The following AXDND1 variants were observed in gnomAD, a reference collection of about 807,000 sequenced individuals.
AXDND1 encodes the protein axonemal dynein light chain domain containing 1.
Under a neutral mutation model 137.5 loss-of-function variants are expected in AXDND1, and 110 were observed. The observed-to-expected ratio is 0.80, with a 90% CI of 0.69 to 0.94. The LOEUF (loss-of-function observed/expected upper bound fraction) is 0.94. AXDND1 is among the 40% of genes least tolerant of loss of function. The probability of loss-of-function intolerance (pLI) is 0.00; values close to 1 mark genes in which losing one functional copy is unlikely to be tolerated. For synonymous variants in AXDND1, 414 were observed against 399.7 expected (o/e 1.04, Z -0.43); for missense variants, 1,191 against 1,169.8 (o/e 1.02, Z -0.26).
At chr1:179,386,050 CTTTTTTTTTTTTTT>C (rs71111980) in intron 9 of AXDND1, among the ~76,000 whole-genome samples, 1 of 102,426 alleles carries the variant, frequency 9.8e-6, no homozygotes, top group African/African-American at 3.9e-5. Flanking sequence ...GGATTTTTTC[CTTTTTTTTTTTTTT>C]TTTTTTTGAG....
Position 179,492,942 on chromosome 1 carries a change from T to C in AXDND1, c.2379T>C (p.Asp793=), listed in dbSNP as rs755999187. The change falls in exon 20 of 26, where the codon GAT becomes GAC. Residue 793 remains aspartate (D), a synonymous_variant. Coordinates refer to ENST00000367618, the MANE Select transcript of AXDND1 (RefSeq NM_144696.6). Reference sequence around the variant, plus strand: ...CTACTGAAGACCTTTATGAGGTGGATAAGTTGAAGGTAATAACTCTGTCTT... The same window carrying C: ...CTACTGAAGACCTTTATGAGGTGGACAAGTTGAAGGTAATAACTCTGTCTT... ...KNATEDLYEV[D]KLKKECYEWI... The C allele has an allele frequency of 1.1e-5, 17 of 1,599,984 alleles. No homozygotes were observed. Among genetic ancestry groups the C allele is most frequent in the Admixed American group, 3.4e-5 (2 of 58,010 alleles).
At chr1:179,431,104 C>T (rs1221497510) in intron 14 of AXDND1, among the ~76,000 whole-genome samples, 2 of 152,056 alleles carry the variant, frequency 1.3e-5, no homozygotes, top group Non-Finnish European at 2.9e-5. Context: ...GGAATCTATG[C>T]TTTGGATGCA....
At position 179,432,276 on chromosome 1, in the gene AXDND1, C is replaced by A; in HGVS notation, c.1497C>A (p.Asp499Glu). The change falls in exon 15 of 26, where the codon GAC becomes GAA. Residue 499 changes from aspartate to glutamate, a missense_variant. Physicochemically the swap from Asp to Glu is conservative, Grantham distance 45. Coordinates refer to ENST00000367618, the MANE Select transcript of AXDND1 (RefSeq NM_144696.6). Reference sequence around the variant, plus strand: ...TTTTTCTTCTTTTCAGTGAAAAAGACATTTTATCCCCTAATAAGGGAAATA... The same window carrying A: ...TTTTTCTTCTTTTCAGTGAAAAAGAAATTTTATCCCCTAATAAGGGAAATA... ...IKWQEFFNEK[D>E]ILSPNKGNIF... 6.5e-7 allele frequency: 1 copy of A among 1,546,778 alleles called. No homozygotes were observed. The highest frequency in any genetic ancestry group is 1.9e-5 in the Admixed American group (1 of 52,018).
chr1:179,456,999 T>C, intron 16 of AXDND1: 1 of 1,569,130 alleles, frequency 6.4e-7, no homozygotes, highest in South Asian at 1.1e-5. Flanking sequence ...GTGTCTTCTT[T>C]AATGCCACCA....
At chr1:179,514,971 A>G (rs906086538) in intron 21 of AXDND1, among the ~76,000 whole-genome samples, 4 of 152,108 alleles carry the variant, frequency 2.6e-5, no homozygotes, top group African/African-American at 9.7e-5. Context: ...TTAGGTGAGT[A>G]TCCTGAAGGG....
At chr1:179,550,013 G>C (rs1023032379) in intron 25 of AXDND1, among the ~76,000 whole-genome samples, 8 of 152,048 alleles carry the variant, frequency 5.3e-5, no homozygotes, top group Non-Finnish European at 8.8e-5. Context: ...GGTAGATTTT[G>C]TTACCTGCCT....
intron 16 of AXDND1, chr1:179,453,250 C>G (rs902446894): frequency 4.6e-5 from 7 of 152,254 alleles, no homozygotes; most frequent in Non-Finnish European, 5.9e-5. Flanking sequence ...AGAGTCTCTA[C>G]TGGGGCACAG....
At chr1:179,535,690 A>G (rs1003369722) in intron 25 of AXDND1, among the ~76,000 whole-genome samples, 38 of 151,936 alleles carry the variant, frequency 2.5e-4, no homozygotes, top group Admixed American at 8.5e-4. Flanking sequence ...ACATACGTGT[A>G]CATGTGTCTT....
At chr1:179,472,484 A>G (rs1012935535) in intron 17 of AXDND1, among the ~76,000 whole-genome samples, 2 of 152,170 alleles carry the variant, frequency 1.3e-5, no homozygotes, top group Non-Finnish European at 2.9e-5. Flanking sequence ...TTTATTGGAG[A>G]AAGTGTTCTA....
chr1:179,501,679 C>T (rs999192179), intron 20 of AXDND1, among the ~76,000 whole-genome samples: 5 of 152,058 alleles, frequency 3.3e-5, no homozygotes, highest in Non-Finnish European at 5.9e-5. Context: ...CACTGCATTC[C>T]AGCCTGGGCG....
intron 25 of AXDND1, among the ~76,000 whole-genome samples, chr1:179,542,732 C>T (rs1053356807): frequency 7.2e-5 from 11 of 152,140 alleles, no homozygotes; most frequent in African/African-American, 2.7e-4. Flanking sequence ...CTTGAGGATT[C>T]GGTTAAATCC....
intron 17 of AXDND1, among the ~76,000 whole-genome samples, chr1:179,479,475 CAAA>C (rs55719902): frequency 7.1e-4 from 95 of 133,618 alleles, no homozygotes; most frequent in Non-Finnish European, 1.3e-3. Flanking sequence ...AACTCTGTCT[CAAA>C]AAAAAAAAAA....
intron 9 of AXDND1, among the ~76,000 whole-genome samples, chr1:179,387,539 C>T (rs1273021731): frequency 6.6e-6 from 1 of 152,178 alleles, no homozygotes; most frequent in African/African-American, 2.4e-5. Flanking sequence ...ACATTTAAAC[C>T]TAGCAGTAAT....
At chr1:179,456,678 T>A in intron 16 of AXDND1, 1 of 803,738 alleles carries the variant, frequency 1.2e-6, no homozygotes. Flanking sequence ...ACCACTGAAG[T>A]TTCCTCCGTG....
intron 16 of AXDND1, among the ~76,000 whole-genome samples, chr1:179,459,403 T>C (rs552194519): frequency 6.6e-6 from 1 of 152,290 alleles, no homozygotes; most frequent in African/African-American, 2.4e-5. Context: ...TAGGATAAGA[T>C]AATGTTTATA....
chr1:179,379,987 C>T (rs1172458632), intron 6 of AXDND1, among the ~76,000 whole-genome samples: 4 of 151,228 alleles, frequency 2.6e-5, no homozygotes, highest in African/African-American at 7.3e-5. Flanking sequence ...CGGTGGCTCA[C>T]GCCTGTAATC....
chr1:179,519,654 C>A (rs1669873800), intron 21 of AXDND1, among the ~76,000 whole-genome samples: 1 of 152,022 alleles, frequency 6.6e-6, no homozygotes, highest in African/African-American at 2.4e-5. Flanking sequence ...AATTCTTTCC[C>A]TATTGCTTGT....
chr1:179,513,810 G>A (rs986930269), intron 21 of AXDND1, among the ~76,000 whole-genome samples: 1 of 151,922 alleles, frequency 6.6e-6, no homozygotes, highest in Non-Finnish European at 1.5e-5. Flanking sequence ...ATTTTTCCAG[G>A]AATTTATCCA....
intron 25 of AXDND1, among the ~76,000 whole-genome samples, chr1:179,537,249 G>C (rs893714819): frequency 6.6e-6 from 1 of 152,138 alleles, no homozygotes; most frequent in Non-Finnish European, 1.5e-5. Flanking sequence ...ACACTATGTC[G>C]AATAGGAGTG....
Sources: allele counts gnomAD v4.1 joint callset (sites outside exome capture counted in the v4.1 genomes callset), GRCh38; gene constraint gnomAD v4.1.1; transcripts MANE v1.5; gene names NCBI Gene and HGNC (gene_info 2026-07-23, HGNC 2026-07-21).